FRMPD2: variants seen among roughly 807,000 people sequenced by gnomAD.
The protein encoded by FRMPD2 is FERM and PDZ domain-containing protein 2.
A neutral mutation model predicts 140.1 loss-of-function variants in FRMPD2; 96 were observed. The ratio of observed to expected loss-of-function variants is 0.69; its 90% CI spans 0.58 to 0.81. The LOEUF (loss-of-function observed/expected upper bound fraction) is 0.81. Ranked by LOEUF, FRMPD2 falls within the 40% of genes least tolerant of loss-of-function variation. FRMPD2 has a pLI of 0.00. For missense variants in FRMPD2, 1,240 were observed against 1,447.4 expected (o/e 0.86, Z 2.32); for synonymous variants, 449 against 547.6 (o/e 0.82, Z 2.52).
intron 9 of FRMPD2, among the ~76,000 whole-genome samples, chr10:48,234,960 C>T (rs1426841706): frequency 6.6e-6 from 1 of 152,146 alleles, no homozygotes; most frequent in Non-Finnish European, 1.5e-5. Flanking sequence ...CTCCAGTCAC[C>T]TAAGCCATGT....
chr10:48,208,923 C>A (rs1410611824), intron 13 of FRMPD2, among the ~76,000 whole-genome samples: 4 of 152,222 alleles, frequency 2.6e-5, no homozygotes, highest in African/African-American at 9.6e-5. Context: ...ATTGTTATTT[C>A]TGAATATTCA....
chr10:48,242,848 C>T lies in FRMPD2; in HGVS notation c.376-496G>A, dbSNP rs545089958. Among the ~76,000 whole-genome samples, 14 of 152,364 alleles carry T rather than the reference C, an allele frequency of 9.2e-5. No homozygotes were observed. In the South Asian group the frequency reaches 2.7e-3, roughly 29 times the overall value. On this transcript the variant is annotated intron_variant, in intron 4 of 28. Coordinates refer to ENST00000374201, the MANE Select transcript of FRMPD2 (RefSeq NM_001018071.4). ...GAACAGCCAGCAGTCAGCACAAATG[C>T]TCAATCGTTGTTGGTTGAACTTTAT... is the stretch of plus-strand genomic sequence containing the variant.
intron 1 of FRMPD2, among the ~76,000 whole-genome samples, chr10:48,263,163 G>A (rs577941960): frequency 1.3e-5 from 2 of 152,096 alleles, no homozygotes; most frequent in African/African-American, 4.8e-5. Context: ...ATGCAATGAA[G>A]GAAGTACTTA....
intron 12 of FRMPD2, among the ~76,000 whole-genome samples, chr10:48,219,801 A>G (rs1198451544): frequency 6.6e-6 from 1 of 152,214 alleles, no homozygotes; most frequent in African/African-American, 2.4e-5. Flanking sequence ...TTGGCAGTTA[A>G]ATCAAAGAAA....
chr10:48,255,190 C>T (rs1251452386), intron 1 of FRMPD2, among the ~76,000 whole-genome samples: 1 of 152,128 alleles, frequency 6.6e-6, no homozygotes, highest in Admixed American at 6.5e-5. Context: ...GGCTTCGGGG[C>T]TCATCTAGTA....
intron 20 of FRMPD2, among the ~76,000 whole-genome samples, chr10:48,181,220 A>C (rs1462058356): frequency 2.6e-5 from 4 of 152,392 alleles, no homozygotes; most frequent in African/African-American, 9.6e-5. Context: ...GATAGAGCTT[A>C]CGTGACCCAA....
chr10:48,256,272 A>G (rs951813534), intron 1 of FRMPD2, among the ~76,000 whole-genome samples: 20 of 152,138 alleles, frequency 1.3e-4, no homozygotes, highest in African/African-American at 3.9e-4. Flanking sequence ...TGCCCAGTCA[A>G]TCCCCGAGTG....
intron 16 of FRMPD2, among the ~76,000 whole-genome samples, chr10:48,188,643 G>A (rs1312826967): frequency 6.6e-6 from 1 of 152,224 alleles, no homozygotes; most frequent in East Asian, 1.9e-4. Context: ...GCTGCGACAG[G>A]GCGCTCGTGT....
At chr10:48,244,878 T>A in intron 3 of FRMPD2, 29 bp from the exon 4 acceptor site, 5 of 1,471,624 alleles carry the variant, frequency 3.4e-6, no homozygotes, top group Non-Finnish European at 3.8e-6. Context: ...CATGATTAGA[T>A]TTCAATCATC....
intron 17 of FRMPD2, among the ~76,000 whole-genome samples, chr10:48,186,349 T>A (rs1353930570): frequency 6.6e-6 from 1 of 152,208 alleles, no homozygotes; most frequent in Non-Finnish European, 1.5e-5. Context: ...CTGGCAGTTT[T>A]CCTGATTGAT....
intron 25 of FRMPD2, among the ~76,000 whole-genome samples, chr10:48,171,736 T>C (rs1311101597): frequency 6.6e-6 from 1 of 152,018 alleles, no homozygotes; most frequent in Non-Finnish European, 1.5e-5. Flanking sequence ...AGCACAATTA[T>C]AGATAACTCA....
intron 12 of FRMPD2, among the ~76,000 whole-genome samples, chr10:48,221,032 G>C (rs2131900446): frequency 6.6e-6 from 1 of 152,304 alleles, no homozygotes; most frequent in South Asian, 2.1e-4. Context: ...GCAGTGTGGA[G>C]AGTCCTTAAA....
chr10:48,269,485 T>A (rs1840731957), intron 1 of FRMPD2, among the ~76,000 whole-genome samples: 1 of 152,178 alleles, frequency 6.6e-6, no homozygotes, highest in Non-Finnish European at 1.5e-5. Flanking sequence ...TTCAGAGGGA[T>A]GCAGAAGCTG....
chr10:48,273,080 A>T (rs990797294), intron 1 of FRMPD2, among the ~76,000 whole-genome samples: 1 of 152,356 alleles, frequency 6.6e-6, no homozygotes, highest in African/African-American at 2.4e-5. Context: ...TGCAATATAC[A>T]TCCTTCATAT....
intron 15 of FRMPD2, chr10:48,199,961 A>G: frequency 6.6e-6 from 1 of 152,124 alleles, no homozygotes; most frequent in East Asian, 1.9e-4. Flanking sequence ...ATTCTAGATA[A>G]TGGAGCTCTC....
chr10:48,247,890 T>C (rs1180841011), intron 3 of FRMPD2, among the ~76,000 whole-genome samples: 1 of 152,072 alleles, frequency 6.6e-6, no homozygotes, highest in Non-Finnish European at 1.5e-5. Context: ...GTCCTGGCAG[T>C]GTAAGAAGGT....
intron 22 of FRMPD2, 31 bp downstream of exon 22, chr10:48,178,016 C>T: frequency 8.2e-7 from 1 of 1,215,810 alleles, no homozygotes; most frequent in Non-Finnish European, 1.2e-6. Flanking sequence ...ATCTTGTTAA[C>T]TGCTTTTCAA....
chr10:48,253,433 A>G (rs1840430092), intron 1 of FRMPD2, among the ~76,000 whole-genome samples: 1 of 152,192 alleles, frequency 6.6e-6, no homozygotes, highest in Non-Finnish European at 1.5e-5. Flanking sequence ...CTCATCAAAA[A>G]CCATGGAGAC....
chr10:48,202,690 C>T (rs900063706), intron 14 of FRMPD2, among the ~76,000 whole-genome samples: 4 of 152,178 alleles, frequency 2.6e-5, no homozygotes, highest in African/African-American at 9.7e-5. Flanking sequence ...TTTTCAAAGT[C>T]GAATATTTGC....
Sources: allele counts gnomAD v4.1 joint callset (sites outside exome capture counted in the v4.1 genomes callset), GRCh38; gene constraint gnomAD v4.1.1; transcripts MANE v1.5; gene names NCBI Gene and HGNC (gene_info 2026-07-23, HGNC 2026-07-21).